Variants in STON2 observed in about 807,000 individuals in gnomAD.
STON2 encodes the protein stonin-2.
A neutral mutation model predicts 65.7 loss-of-function variants in STON2; 29 were observed. The observed-to-expected ratio is 0.44, with a 90% confidence interval of 0.33 to 0.60. The LOEUF (loss-of-function observed/expected upper bound fraction) is 0.60. Among genes scored for constraint, STON2 ranks in the 20% least tolerant of loss-of-function variants. STON2 has a pLI of 0.03. For synonymous variants in STON2, 404 were observed against 414.2 expected (o/e 0.98, Z 0.30); for missense variants, 1,054 against 1,118.1 (o/e 0.94, Z 0.82).
chr14:81,322,728 C>G (rs34451967), intron 5 of STON2, among the ~76,000 whole-genome samples: 1 of 152,214 alleles, frequency 6.6e-6, no homozygotes, highest in Non-Finnish European at 1.5e-5. Flanking sequence ...AACTCATACC[C>G]TCACTCACAG....
At chr14:81,400,486 A>AAAC (rs1266206598), upstream of STON2, among the ~76,000 whole-genome samples, 1 of 151,016 alleles carries the variant, frequency 6.6e-6, no homozygotes, top group Non-Finnish European at 1.5e-5. Context: ...GTCAAAAAAA[A>AAAC]AAAAAAAAAA....
intron 3 of STON2, among the ~76,000 whole-genome samples, chr14:81,384,666 C>T (rs1269989144): frequency 2.6e-5 from 4 of 152,140 alleles, no homozygotes; most frequent in South Asian, 4.1e-4. Context: ...ATGACTTGAA[C>T]GTGAGCATAA....
In STON2 at chr14:81,433,980, C is replaced by T. The variant is rs113474478; in HGVS notation, c.-310+2341G>A. On this transcript the variant is annotated intron_variant, in intron 1 of 8. Transcript: ENST00000553821. ...TGTTTCCAATCCCACCTCACCCCTG[C>T]CTGCACAAGAGACTTGCTCATCATT... is the stretch of plus-strand genomic sequence containing the variant. Among the ~76,000 whole-genome samples the T allele has an allele frequency of 8.6e-3, 1,310 of 152,228 alleles. 12 individuals carry two copies. Among genetic ancestry groups the T allele is most frequent in the Non-Finnish European group, 0.016 (1,060 of 68,010 alleles).
intron 4 of STON2, among the ~76,000 whole-genome samples, chr14:81,352,021 A>T (rs1898043189): frequency 1.3e-5 from 2 of 152,362 alleles, no homozygotes; most frequent in South Asian, 4.1e-4. Context: ...CATAAGACTT[A>T]AAAAGAAAAG....
At chr14:81,321,361 T>G in intron 5 of STON2, among the ~76,000 whole-genome samples, 1 of 149,544 alleles carries the variant, frequency 6.7e-6, no homozygotes, top group African/African-American at 2.5e-5. Flanking sequence ...TGAGAGCCTG[T>G]TTCTACTTTA....
chr14:81,386,044 C>T (rs982447469), intron 3 of STON2, among the ~76,000 whole-genome samples: 1 of 152,060 alleles, frequency 6.6e-6, no homozygotes, highest in Non-Finnish European at 1.5e-5. Context: ...TGGCCTGGAA[C>T]GGCGAGAGAG....
intron 4 of STON2, among the ~76,000 whole-genome samples, chr14:81,329,584 C>T (rs1897132631): frequency 6.6e-6 from 1 of 152,086 alleles, no homozygotes; most frequent in African/African-American, 2.4e-5. Flanking sequence ...AGAAGAAACC[C>T]CACTGACATG....
At chr14:81,389,046 G>A (rs1899955911) in intron 3 of STON2, among the ~76,000 whole-genome samples, 1 of 152,014 alleles carries the variant, frequency 6.6e-6, no homozygotes, top group African/African-American at 2.4e-5. Flanking sequence ...CACAAGACAG[G>A]TACCAAGATA....
chr14:81,269,477 ATTCTTT>A, intron 7 of STON2: 1 of 985,442 alleles, frequency 1.0e-6, no homozygotes, highest in East Asian at 1.1e-4. Flanking sequence ...CAGGCAAGGA[ATTCTTT>A]GAGCTCAGGG....
intron 2 of STON2, among the ~76,000 whole-genome samples, chr14:81,405,770 T>C (rs775854425): frequency 9.2e-5 from 14 of 152,162 alleles, no homozygotes; most frequent in Non-Finnish European, 1.8e-4. Flanking sequence ...CAGGGTATGA[T>C]GGTTAATATT....
At chr14:81,426,537 T>C (rs1252866896) in intron 2 of STON2, among the ~76,000 whole-genome samples, 2 of 152,084 alleles carry the variant, frequency 1.3e-5, no homozygotes, top group Non-Finnish European at 2.9e-5. Flanking sequence ...CTGAGCATCT[T>C]CACTTCAACA....
chr14:81,321,137 C>T (rs3109610), intron 5 of STON2, among the ~76,000 whole-genome samples: 13,110 of 152,202 alleles, frequency 0.086, 791 homozygotes, highest in East Asian at 0.32. Flanking sequence ...TCTGGGATGT[C>T]ACAGCAGTTA....
At chr14:81,427,737 A>G (rs565364770) in intron 1 of STON2, among the ~76,000 whole-genome samples, 10 of 152,184 alleles carry the variant, frequency 6.6e-5, no homozygotes, top group Middle Eastern at 3.4e-3. Context: ...GAGAGAGAGA[A>G]AAAAGTGTGC....
At chr14:81,407,236 T>G (rs983778788) in intron 2 of STON2, among the ~76,000 whole-genome samples, 51 of 152,220 alleles carry the variant, frequency 3.4e-4, no homozygotes, top group African/African-American at 1.2e-3. Context: ...TTCTGACTTG[T>G]GTTCACTTTT....
chr14:81,354,990 A>G (rs59397507), intron 4 of STON2, among the ~76,000 whole-genome samples: 42,341 of 144,750 alleles, frequency 0.29, 6,315 homozygotes, highest in East Asian at 0.41. Flanking sequence ...GTCTCAGAAG[A>G]AAAAAAAAAA....
chr14:81,306,309 A>G (rs1425412483), intron 5 of STON2, among the ~76,000 whole-genome samples: 2 of 143,744 alleles, frequency 1.4e-5, no homozygotes, highest in Non-Finnish European at 3.0e-5. Context: ...GGCTCCCTGC[A>G]ACCTTCACCT....
At chr14:81,436,378 G>T (rs1902428477) in exon 1 of STON2, 1 of 151,620 alleles carries the variant, frequency 6.6e-6, no homozygotes, top group African/African-American at 2.4e-5. Context: ...CGGCAAAGCC[G>T]GCTTCTCTGG....
At chr14:81,343,380 G>T (rs1287650205) in intron 4 of STON2, among the ~76,000 whole-genome samples, 3 of 152,114 alleles carry the variant, frequency 2.0e-5, no homozygotes, top group Non-Finnish European at 4.4e-5. Context: ...TCCTGGGGAG[G>T]GGGAGAGGGG....
intron 3 of STON2, among the ~76,000 whole-genome samples, chr14:81,373,408 T>C (rs1005529997): frequency 1.3e-5 from 2 of 152,186 alleles, no homozygotes. Context: ...GCCAAATTTA[T>C]AAAAGCTTGC....
Sources: gnomAD v4.1 joint callset for allele counts (sites outside exome capture counted in the v4.1 genomes callset) on GRCh38, gnomAD v4.1.1 for gene constraint, MANE v1.5 for transcripts, NCBI Gene and HGNC (gene_info 2026-07-23, HGNC 2026-07-21) for gene names.